Variants in PPP6R3 observed in about 807,000 individuals in gnomAD.
PPP6R3 encodes the protein serine/threonine-protein phosphatase 6 regulatory subunit 3.
In PPP6R3, 38 loss-of-function variants were observed where a neutral mutation model predicts 110.7. The ratio of observed to expected loss-of-function variants is 0.34; its 90% CI spans 0.26 to 0.45. PPP6R3 has a LOEUF of 0.45. PPP6R3 is among the 20% of genes least tolerant of loss of function. The pLI is 1.00. For missense variants in PPP6R3, 870 were observed against 1,062.4 expected (o/e 0.82, Z 2.52); for synonymous variants, 369 against 373.5 (o/e 0.99, Z 0.14).
At chr11:68,501,048 C>T (rs1304384879) in intron 1 of PPP6R3, among the ~76,000 whole-genome samples, 3 of 152,164 alleles carry the variant, frequency 2.0e-5, no homozygotes, top group Non-Finnish European at 4.4e-5. Flanking sequence ...TGCAGGGCAT[C>T]GTTAGCATGG....
intron 1 of PPP6R3, among the ~76,000 whole-genome samples, chr11:68,511,133 T>A (rs1294131591): frequency 1.3e-5 from 2 of 151,522 alleles, no homozygotes; most frequent in East Asian, 3.9e-4. Context: ...AATGGTGTGA[T>A]CTCAGCTCAC....
Position 68,591,586 on chromosome 11 carries a change from C to A in PPP6R3, c.1796C>A (p.Ala599Asp). 2 of 1,593,778 alleles carry A rather than the reference C, an allele frequency of 1.3e-6. No homozygotes were observed. Among genetic ancestry groups the A allele is most frequent in the Non-Finnish European group, 1.7e-6 (2 of 1,171,924 alleles). The change falls in exon 18 of 24, where the codon GCC (alanine) becomes GAC (aspartate). Residue 599 changes from alanine to aspartate, a missense_variant. Coordinates refer to ENST00000393800, the MANE Select transcript of PPP6R3 (RefSeq NM_001164161.2). ...TLNTNESGNI[A>D]LFEACCKERI... ...CTCATTTTTATTTAGGGAAATATTG[C>A]CTTGTTTGAAGCATGTTGTAAGGAA...
chr11:68,558,740 T>C, intron 8 of PPP6R3, 61 bp downstream of exon 8: 1 of 1,312,260 alleles, frequency 7.6e-7, no homozygotes, highest in Non-Finnish European at 1.1e-6. Flanking sequence ...ATTTAAGAGT[T>C]AAATTCTTAG....
chr11:68,561,106 C>T (rs1434141641), intron 8 of PPP6R3, among the ~76,000 whole-genome samples: 2 of 152,030 alleles, frequency 1.3e-5, no homozygotes, highest in African/African-American at 2.4e-5. Context: ...TCACCGTGGT[C>T]TCGATCTCCT....
At chr11:68,503,490 C>G (rs1449904057) in intron 1 of PPP6R3, among the ~76,000 whole-genome samples, 3 of 152,164 alleles carry the variant, frequency 2.0e-5, no homozygotes, top group Admixed American at 1.3e-4. Flanking sequence ...AGCCCTCCAA[C>G]TAGGGAGACT....
In PPP6R3 at chr11:68,580,746, C is replaced by CTTTTTTTTTTTTTTTTTTTTTTT. The variant is rs71043441; in HGVS notation, c.1546-2276_1546-2254dup. Among the ~76,000 whole-genome samples, 4 of 67,530 alleles carry CTTTTTTTTTTTTTTTTTTTTTTT rather than the reference C, an allele frequency of 5.9e-5. 1 individual carries two copies. Among genetic ancestry groups the CTTTTTTTTTTTTTTTTTTTTTTT allele is most frequent in the Admixed American group, 2.4e-4 (1 of 4,136 alleles). The allele number at this position is 67,530 out of a possible 152,430, so 44.3% of individuals were successfully genotyped here. On this transcript the variant is annotated intron_variant, in intron 14 of 23. Transcript: ENST00000393800. The stretch of plus-strand genomic sequence containing the variant: ...CAAGTTTCCCCCATGGGTAAATAAT[C>CTTTTTTTTTTTTTTTTTTTTTTT]TTTTTTTTTTTTTTTTTTTTTTTTT...
intron 1 of PPP6R3, among the ~76,000 whole-genome samples, chr11:68,483,070 C>T (rs1421817087): frequency 6.6e-6 from 1 of 152,096 alleles, no homozygotes; most frequent in Non-Finnish European, 1.5e-5. Flanking sequence ...GTTCTTTGTT[C>T]TTAGAAGCCT....
Position 68,569,798 on chromosome 11 carries a change from A to C in PPP6R3, c.1179A>C (p.Glu393Asp), listed in dbSNP as rs767904583. 5.6e-6 allele frequency: 9 copies of C among 1,607,506 alleles called. No homozygotes were observed. Among genetic ancestry groups the C allele is most frequent in the Non-Finnish European group, 6.8e-6 (8 of 1,175,466 alleles). Residue 393 changes from glutamate to aspartate, a missense_variant, in exon 11 of 24, where the codon GAA becomes GAC. Physicochemically the swap from Glu to Asp is conservative, Grantham distance 45. Coordinates refer to ENST00000393800, the MANE Select transcript of PPP6R3 (RefSeq NM_001164161.2). ...ATAACTTTTTGCATACACAAGTGGA[A>C]ATTTGTATTGCACTGATTCTTGCAA... is the stretch of plus-strand genomic sequence containing the variant. Reference protein sequence around the residue: ...TWNNFLHTQVEICIALILASP... With the variant: ...TWNNFLHTQVDICIALILASP...
intron 1 of PPP6R3, among the ~76,000 whole-genome samples, chr11:68,510,333 C>T (rs1184181730): frequency 2.6e-5 from 4 of 152,026 alleles, no homozygotes; most frequent in Non-Finnish European, 5.9e-5. Flanking sequence ...CTTCCCAGTC[C>T]AACATTCTTC....
chr11:68,598,303 CT>C (rs1025810582), intron 19 of PPP6R3, among the ~76,000 whole-genome samples: 13 of 152,150 alleles, frequency 8.5e-5, no homozygotes, highest in African/African-American at 2.9e-4. Context: ...ATCTTTGGTT[CT>C]TTTAGCAGGC....
intron 23 of PPP6R3, 160 bp from the exon 24 acceptor site, chr11:68,612,906 C>G (rs1944295199): frequency 1.4e-6 from 2 of 1,380,490 alleles, no homozygotes; most frequent in South Asian, 1.4e-5. Context: ...TTTTCTAGAG[C>G]TTTTGCTCCA....
intron 1 of PPP6R3, among the ~76,000 whole-genome samples, chr11:68,492,766 G>A (rs1293472340): frequency 6.6e-6 from 1 of 152,184 alleles, no homozygotes; most frequent in African/African-American, 2.4e-5. Context: ...ACATTAGCTA[G>A]CACCTCTTTT....
At chr11:68,602,797 T>G (rs2153945345) in intron 21 of PPP6R3, among the ~76,000 whole-genome samples, 1 of 152,236 alleles carries the variant, frequency 6.6e-6, no homozygotes, top group South Asian at 2.1e-4. Context: ...ATAGATGAGG[T>G]TCCTTGTCCA....
At chr11:68,578,506 G>A (rs574211956) in intron 14 of PPP6R3, among the ~76,000 whole-genome samples, 1 of 152,274 alleles carries the variant, frequency 6.6e-6, no homozygotes, top group East Asian at 1.9e-4. Flanking sequence ...TACCTCTCTG[G>A]AAGTCATTTC....
At chr11:68,497,032 T>G (rs1437359811) in intron 1 of PPP6R3, among the ~76,000 whole-genome samples, 5 of 149,732 alleles carry the variant, frequency 3.3e-5, no homozygotes, top group Non-Finnish European at 5.9e-5. Flanking sequence ...CGGCTAATTT[T>G]TTTGTTTGTT....
At chr11:68,569,190 G>A (rs1363823977) in intron 10 of PPP6R3, among the ~76,000 whole-genome samples, 1 of 152,074 alleles carries the variant, frequency 6.6e-6, no homozygotes, top group Admixed American at 6.6e-5. Context: ...TTTGTTGTTG[G>A]TTTTTTACTA....
rs1161692230 is a variant in PPP6R3, at chr11:68,576,114, T to C, written c.1545+71T>C. 3 of 1,173,650 alleles carry C rather than the reference T, an allele frequency of 2.6e-6. No individual in the cohort carries two copies. In the South Asian group the frequency reaches 4.3e-5, roughly 17 times the overall value. The allele number at this position is 1,173,650 out of a possible 1,614,324, so 72.7% of individuals were successfully genotyped here. On this transcript the variant is annotated intron_variant, in intron 14 of 23. Coordinates refer to ENST00000393800, the MANE Select transcript of PPP6R3 (RefSeq NM_001164161.2). ...CTTTGCCCATTTATTCAGAAAGATG[T>C]AAAAGATCTTCCATTTACCTCAGTA... is the stretch of plus-strand genomic sequence containing the variant.
chr11:68,478,451 G>T (rs556559806), intron 1 of PPP6R3, among the ~76,000 whole-genome samples: 21 of 152,096 alleles, frequency 1.4e-4, no homozygotes, highest in African/African-American at 5.1e-4. Flanking sequence ...GAAAACTTAA[G>T]TATCTTTTGT....
chr11:68,596,957 A>G (rs1281507154), intron 19 of PPP6R3, among the ~76,000 whole-genome samples: 1 of 152,174 alleles, frequency 6.6e-6, no homozygotes, highest in Non-Finnish European at 1.5e-5. Context: ...TCATCCAGCA[A>G]ACTGCCACAT....
Sources: gnomAD v4.1 joint callset for allele counts (sites outside exome capture counted in the v4.1 genomes callset) on GRCh38, gnomAD v4.1.1 for gene constraint, MANE v1.5 for transcripts, NCBI Gene and HGNC (gene_info 2026-07-23, HGNC 2026-07-21) for gene names.